The following BLMH variants were observed in gnomAD, a reference collection of about 807,000 sequenced individuals.
The protein encoded by BLMH is BLM hydrolase.
A neutral mutation model predicts 61.6 loss-of-function variants in BLMH; 32 were observed. The observed-to-expected ratio is 0.52, with a 90% CI of 0.39 to 0.70. BLMH has a LOEUF of 0.70. Among genes scored for constraint, BLMH ranks in the 30% least tolerant of loss-of-function variants. The pLI is 0.00. For synonymous variants in BLMH, 183 were observed against 193.8 expected (o/e 0.94, Z 0.46); for missense variants, 460 against 555.5 (o/e 0.83, Z 1.73).
intron 6 of BLMH, among the ~76,000 whole-genome samples, chr17:30,277,117 T>C (rs979298215): frequency 5.3e-5 from 8 of 152,220 alleles, no homozygotes; most frequent in Non-Finnish European, 1.2e-4. Context: ...TTTTGTTTTG[T>C]TCTGTTTTCC....
At chr17:30,261,389 T>G (rs1394769652) in intron 11 of BLMH, among the ~76,000 whole-genome samples, 1 of 152,202 alleles carries the variant, frequency 6.6e-6, no homozygotes, top group Non-Finnish European at 1.5e-5. Context: ...TTAGTGAACT[T>G]TGAATTCTCA....
intron 7 of BLMH, chr17:30,273,164 AATTT>A: frequency 3.2e-6 from 1 of 316,206 alleles, no homozygotes; most frequent in East Asian, 5.5e-5. Flanking sequence ...CTCCAAAAGC[AATTT>A]TTTTTTTTTT....
chr17:30,267,892 A>C (rs1908154616), intron 10 of BLMH, among the ~76,000 whole-genome samples: 1 of 152,188 alleles, frequency 6.6e-6, no homozygotes, highest in Non-Finnish European at 1.5e-5. Context: ...CTATATGATG[A>C]GTCTCATCTA....
chr17:30,277,294 GGA>G (rs2143023970), intron 6 of BLMH, among the ~76,000 whole-genome samples: 1 of 152,278 alleles, frequency 6.6e-6, no homozygotes, highest in African/African-American at 2.4e-5. Flanking sequence ...CTCTAGCCAA[GGA>G]TTAATGAGCT....
In BLMH at chr17:30,252,533, C is replaced by CAAA. The variant is rs34594289; in HGVS notation, c.1217-3368_1217-3366dup. On this transcript the variant is annotated intron_variant, in intron 11 of 11. Coordinates refer to ENST00000261714, the MANE Select transcript of BLMH (RefSeq NM_000386.4). ...GCAACATGGCGAAACCCCATCCTCA[C>CAAA]AAAAAAAAAAAAAAAAAAAAAAAAA... is the stretch of plus-strand genomic sequence containing the variant. 1.7e-3 allele frequency among the ~76,000 whole-genome samples: 111 copies of CAAA among 66,366 alleles called. 4 individuals carry two copies. Among genetic ancestry groups the CAAA allele is most frequent in the East Asian group, 6.1e-3 (9 of 1,482 alleles). 43.5% of individuals were successfully genotyped at this position (66,366 alleles called of 152,430 possible).
At chr17:30,273,023 G>C (rs1192975124) in intron 7 of BLMH, 124 bp from the exon 8 acceptor site, 1 of 1,057,376 alleles carries the variant, frequency 9.5e-7, no homozygotes, top group African/African-American at 1.6e-5. Flanking sequence ...AAGTACTACA[G>C]CCACATTGTT....
intron 3 of BLMH, 148 bp from the exon 4 acceptor site, chr17:30,288,095 T>C: frequency 1.2e-6 from 1 of 830,476 alleles, no homozygotes; most frequent in Non-Finnish European, 1.8e-6. Flanking sequence ...CTTCATGAAT[T>C]TGCATGTCAT....
At chr17:30,273,169 T>TTA in intron 7 of BLMH, 1 of 271,774 alleles carries the variant, frequency 3.7e-6, no homozygotes, top group East Asian at 7.1e-5. Flanking sequence ...AAAGCAATTT[T>TTA]TTTTTTTTTT....
intron 11 of BLMH, among the ~76,000 whole-genome samples, chr17:30,252,781 A>C (rs1907707675): frequency 1.3e-5 from 2 of 152,132 alleles, no homozygotes; most frequent in African/African-American, 4.8e-5. Flanking sequence ...CTTTCAATAG[A>C]CGAGAGACGG....
chr17:30,274,035 C>T lies in BLMH; in HGVS notation c.801+7G>A, dbSNP rs1597663338. 6.2e-7 allele frequency: 1 copy of T among 1,613,990 alleles called. No homozygotes were observed. The highest frequency in any genetic ancestry group is 1.1e-5 in the South Asian group (1 of 91,056). Reference sequence around the variant, plus strand: ...ACAGCCAGTGACTACCAGTGCCATTCACCAACCTTATCTTCCATATTGAAG... The same window carrying T: ...ACAGCCAGTGACTACCAGTGCCATTTACCAACCTTATCTTCCATATTGAAG... On this transcript the variant is annotated splice_region_variant and intron_variant, in intron 7 of 11. Coordinates refer to ENST00000261714, the MANE Select transcript of BLMH (RefSeq NM_000386.4).
chr17:30,272,235 A>G, intron 9 of BLMH: 1 of 295,564 alleles, frequency 3.4e-6, no homozygotes, highest in Middle Eastern at 1.0e-3. Flanking sequence ...AAAATCTTTC[A>G]TTACACTCCC....
At chr17:30,272,507 C>T in intron 9 of BLMH, 54 bp downstream of exon 9, 1 of 1,597,398 alleles carries the variant, frequency 6.3e-7, no homozygotes, top group South Asian at 1.1e-5. Context: ...CAACAGCACA[C>T]TCCAACAGCA....
intron 11 of BLMH, chr17:30,252,053 T>A (rs186152556): frequency 1.7e-4 from 26 of 152,310 alleles, no homozygotes; most frequent in African/African-American, 5.8e-4. Context: ...TGTATCTGCA[T>A]CTGTGTTTAA....
Position 30,291,934 on chromosome 17 carries a change from G to T in BLMH, c.-115C>A. 2 of 1,179,236 alleles carry T rather than the reference G, an allele frequency of 1.7e-6. No individual in the cohort carries two copies. The highest frequency in any genetic ancestry group is 2.2e-6 in the Non-Finnish European group (2 of 922,710). 73.0% of individuals were successfully genotyped at this position (1,179,236 alleles called of 1,614,324 possible). A position where few individuals can be genotyped will look rare whatever the true frequency, so the allele number is the denominator to read the frequency against. On this transcript the variant is annotated 5_prime_UTR_variant, in exon 1 of 12. Transcript: ENST00000261714. The stretch of plus-strand genomic sequence containing the variant: ...CCGACCTGTCTCTCGCACCCGGAGC[G>T]CCGGAAAAAGGAAACCGGCTCGGCG...
intron 11 of BLMH, among the ~76,000 whole-genome samples, chr17:30,263,389 A>G (rs919817660): frequency 3.3e-5 from 5 of 152,238 alleles, no homozygotes; most frequent in Non-Finnish European, 5.9e-5. Context: ...GAAAGATAAT[A>G]TATCAAATCC....
At chr17:30,273,037 T>C (rs1908318690) in intron 7 of BLMH, 138 bp from the exon 8 acceptor site, 4 of 958,556 alleles carry the variant, frequency 4.2e-6, no homozygotes, top group Non-Finnish European at 6.1e-6. Flanking sequence ...CATTGTTAAG[T>C]AACAAAGAAA....
rs576701891 is a variant in BLMH at position 30,290,599 on chromosome 17, G to C, written c.211+712C>G. On this transcript the variant is annotated intron_variant, in intron 2 of 11. Transcript: ENST00000261714. The stretch of plus-strand genomic sequence containing the variant: ...TGCTTCCTGTCCGTATAGATAGACT[G>C]GGGGGTCGTTTTTAAGTATAGAAAG... 2.6e-5 allele frequency among the ~76,000 whole-genome samples: 4 copies of C among 152,332 alleles called. No homozygotes were observed. The South Asian group carries it at 8.3e-4, about 32-fold the overall frequency.
chr17:30,287,914 CA>C lies in BLMH; in HGVS notation c.354del (p.Phe118LeufsTer21). On this transcript the variant is annotated frameshift_variant, in exon 4 of 12. Transcript: ENST00000261714. LOFTEE classifies it high-confidence loss of function. ...VERCYFFLSA[F>X]VDTAQRKEPE... ...GGCTCCTTTCTCTGGGCTGTGTCCA[CA>C]AAAGCACTCAAGAAGAAATAACAGC... is the stretch of plus-strand genomic sequence containing the variant. The C allele has an allele frequency of 6.2e-7, 1 of 1,613,926 alleles. No homozygotes were observed. The highest frequency in any genetic ancestry group is 8.5e-7 in the Non-Finnish European group (1 of 1,179,898).
chr17:30,284,577 A>G (rs1207880443), intron 6 of BLMH, among the ~76,000 whole-genome samples: 3 of 152,248 alleles, frequency 2.0e-5, no homozygotes, highest in African/African-American at 7.2e-5. Flanking sequence ...CATTCTGGAC[A>G]TGGATAGTAT....
Sources: allele counts gnomAD v4.1 joint callset (sites outside exome capture counted in the v4.1 genomes callset), GRCh38; gene constraint gnomAD v4.1.1; transcripts MANE v1.5; gene names NCBI Gene and HGNC (gene_info 2026-07-23, HGNC 2026-07-21).